ACBD5: variants seen among roughly 807,000 people sequenced by gnomAD.
The protein encoded by ACBD5 is acyl-CoA binding domain containing 5.
ACBD5 carries 40 observed loss-of-function variants against 71.8 expected under a neutral mutation model. The ratio of observed to expected loss-of-function variants is 0.56; its 90% CI spans 0.43 to 0.72. The LOEUF is 0.72. ACBD5 is among the 30% of genes least tolerant of loss of function. The probability of loss-of-function intolerance (pLI) is 0.00; values close to 1 mark genes in which losing one functional copy is unlikely to be tolerated. For missense variants in ACBD5, 559 were observed against 644.5 expected, an observed-to-expected ratio of 0.87 and a Z score of 1.44; for synonymous variants, 229 against 218.6, an observed-to-expected ratio of 1.05 and a Z score of -0.42.
chr10:27,234,660 G>A (rs2064389489), intron 3 of ACBD5, among the ~76,000 whole-genome samples: 1 of 152,230 alleles, frequency 6.6e-6, no homozygotes, highest in Non-Finnish European at 1.5e-5. Flanking sequence ...GGCTGGGCAT[G>A]GTGGCTCACG....
At position 27,231,947 on chromosome 10, in the gene ACBD5, G is replaced by A. The variant is rs1292129926; in HGVS notation, c.303-127C>T. On this transcript the variant is annotated intron_variant, in intron 3 of 12. Transcript: ENST00000396271. ...TTCTACTTAAAGCCATAACAGGATTGTCTTAAATGTGCTACCATGAAGAAA... is the reference window on the plus strand; with the variant it reads ...TTCTACTTAAAGCCATAACAGGATTATCTTAAATGTGCTACCATGAAGAAA... The A allele has an allele frequency of 3.5e-6, 3 of 857,574 alleles. No homozygotes were observed. The African/African-American group carries it at 5.1e-5, about 14-fold the overall frequency. The allele number at this position is 857,574 out of a possible 1,614,324, so 53.1% of individuals were successfully genotyped here. A position where few individuals can be genotyped will look rare whatever the true frequency, so the allele number is the denominator to read the frequency against.
At position 27,195,471 on chromosome 10, in the gene ACBD5, T is replaced by C. The variant is rs1364315900; in HGVS notation, c.*1959A>G. On this transcript the variant is annotated 3_prime_UTR_variant, in exon 13 of 13. Coordinates refer to ENST00000396271, the MANE Select transcript of ACBD5 (RefSeq NM_145698.5). Reference sequence around the variant, plus strand: ...GTTAGTTATCCCAGACTGCTTGTAATGATTCACAACTGCTTACACTCTTAA... The same window carrying C: ...GTTAGTTATCCCAGACTGCTTGTAACGATTCACAACTGCTTACACTCTTAA... 5 of 454,312 alleles carry C rather than the reference T, an allele frequency of 1.1e-5. No individual in the cohort carries two copies. Among genetic ancestry groups the C allele is most frequent in the South Asian group, 4.7e-5 (3 of 64,468 alleles). 28.1% of individuals were successfully genotyped at this position (454,312 alleles called of 1,614,324 possible).
At chr10:27,238,762 ATAAT>A (rs2065084894) in intron 2 of ACBD5, among the ~76,000 whole-genome samples, 3 of 150,540 alleles carry the variant, frequency 2.0e-5, no homozygotes. Context: ...TTTGTTACCT[ATAAT>A]TATTGAAATT....
intron 4 of ACBD5, among the ~76,000 whole-genome samples, chr10:27,229,851 A>C (rs1345396415): frequency 6.6e-6 from 1 of 152,202 alleles, no homozygotes; most frequent in Non-Finnish European, 1.5e-5. Flanking sequence ...GAAATTTTTA[A>C]AGTGTGAATG....
intron 10 of ACBD5, among the ~76,000 whole-genome samples, chr10:27,205,775 C>T (rs1233021868): frequency 1.3e-5 from 2 of 151,738 alleles, no homozygotes; most frequent in Non-Finnish European, 2.9e-5. Flanking sequence ...GGTGATCCAC[C>T]CACCTCAGCC....
chr10:27,215,742 C>T, intron 7 of ACBD5, 101 bp from the exon 8 acceptor site: 1 of 839,594 alleles, frequency 1.2e-6, no homozygotes, highest in Non-Finnish European at 1.9e-6. Context: ...CTCTGTTGCC[C>T]AGGCTGGAGT....
chr10:27,216,157 T>A (rs1213362268), intron 7 of ACBD5, among the ~76,000 whole-genome samples: 2 of 150,752 alleles, frequency 1.3e-5, no homozygotes, highest in Non-Finnish European at 3.0e-5. Flanking sequence ...TTTTTGGTTT[T>A]TGAGATGGAG....
intron 13 of ACBD5, among the ~76,000 whole-genome samples, chr10:27,183,529 T>C (rs796698794): frequency 1.3e-5 from 2 of 152,186 alleles, no homozygotes; most frequent in African/African-American, 4.8e-5. Flanking sequence ...GTGATCCTCC[T>C]GCCTCGGCCT....
At position 27,219,672 on chromosome 10, in the gene ACBD5, C is replaced by A. The variant is rs756830964; in HGVS notation, c.625+51G>T. The A allele has an allele frequency of 2.5e-6, 4 of 1,606,492 alleles. No homozygotes were observed. In the South Asian group the frequency reaches 4.4e-5, roughly 18 times the overall value. On this transcript the variant is annotated intron_variant, in intron 6 of 12. Coordinates refer to ENST00000396271, the MANE Select transcript of ACBD5 (RefSeq NM_145698.5). ...CCAAATCAGCCCAAATGTCTTCATA[C>A]CCTCTTAGTTTATTTATTGCAAAAT...
At chr10:27,234,102 T>C (rs1435053267) in intron 3 of ACBD5, among the ~76,000 whole-genome samples, 1 of 152,222 alleles carries the variant, frequency 6.6e-6, no homozygotes, top group African/African-American at 2.4e-5. Context: ...GTTCATAACG[T>C]ACAGTCTAAA....
At chr10:27,197,996 ACCC>A (rs1445805858) in intron 12 of ACBD5, among the ~76,000 whole-genome samples, 2 of 152,102 alleles carry the variant, frequency 1.3e-5, no homozygotes, top group African/African-American at 4.8e-5. Flanking sequence ...CTAGATTCTT[ACCC>A]TTTTCTAATT....
At chr10:27,212,953 A>C (rs1001022996) in intron 8 of ACBD5, among the ~76,000 whole-genome samples, 1 of 152,196 alleles carries the variant, frequency 6.6e-6, no homozygotes, top group African/African-American at 2.4e-5. Context: ...AAATGAGAAA[A>C]GGAGAAAAAC....
Position 27,210,891 on chromosome 10 carries a change from C to T in ACBD5, c.1127G>A (p.Arg376Lys), listed in dbSNP as rs758510252. Reference sequence around the variant, plus strand: ...CCGGTGTGGTGCTCCGCTGTTATTCCTGCCATCTTCTCCTCCATGCTTGAC... The same window carrying T: ...CCGGTGTGGTGCTCCGCTGTTATTCTTGCCATCTTCTCCTCCATGCTTGAC... ...GEVKHGGEDG[R>K]NNSGAPHREK... Residue 376 changes from arginine to lysine, a missense_variant, in exon 9 of 13, where the codon AGG (arginine) becomes AAG (lysine). By Grantham distance (26) the Arg-to-Lys change is conservative. Transcript: ENST00000396271. The T allele has an allele frequency of 6.2e-6, 10 of 1,614,078 alleles. No individual in the cohort carries two copies. The highest frequency in any genetic ancestry group is 6.8e-6 in the Non-Finnish European group (8 of 1,180,038).
In ACBD5 at chr10:27,186,422, T is replaced by C. The variant is rs886046961; in HGVS notation, c.1494-3707A>G. The stretch of plus-strand genomic sequence containing the variant: ...TCTTCAGTGATGTGGACTGGGAAAA[T>C]CTGCAGCATCAGACTATGCCTTTCA... On this transcript the variant is annotated intron_variant, in intron 13 of 13. Coordinates refer to the ACBD5 transcript ENST00000676511. 4.3e-5 allele frequency: 70 copies of C among 1,614,014 alleles called. No individual in the cohort carries two copies. The highest frequency in any genetic ancestry group is 5.5e-5 in the Non-Finnish European group (65 of 1,180,026).
At chr10:27,201,996 G>A (rs893448246) in intron 12 of ACBD5, among the ~76,000 whole-genome samples, 1 of 152,014 alleles carries the variant, frequency 6.6e-6, no homozygotes, top group African/African-American at 2.4e-5. Flanking sequence ...CTGTTTTGGG[G>A]ATGAGCTATA....
At chr10:27,204,651 G>A (rs2060278033) in intron 11 of ACBD5, 102 bp from the exon 12 acceptor site, 2 of 804,828 alleles carry the variant, frequency 2.5e-6, no homozygotes, top group East Asian at 2.7e-5. Flanking sequence ...AAGAAAATTA[G>A]TAACAAATCT....
intron 4 of ACBD5, among the ~76,000 whole-genome samples, chr10:27,229,638 A>G (rs1374187008): frequency 6.6e-6 from 1 of 152,208 alleles, no homozygotes; most frequent in East Asian, 1.9e-4. Context: ...TAAGTCCCAA[A>G]TTCAATAATC....
intron 3 of ACBD5, among the ~76,000 whole-genome samples, chr10:27,233,783 G>C (rs1348574173): frequency 1.3e-5 from 2 of 152,140 alleles, no homozygotes; most frequent in African/African-American, 4.8e-5. Flanking sequence ...GGTGGCTCAC[G>C]CCTATAATCC....
chr10:27,235,037 T>C, intron 3 of ACBD5, 55 bp downstream of exon 3: 4 of 1,547,442 alleles, frequency 2.6e-6, no homozygotes, highest in Non-Finnish European at 3.6e-6. Flanking sequence ...AATAGCCATA[T>C]GATAATTATG....
Sources: gnomAD v4.1 joint callset for allele counts (sites outside exome capture counted in the v4.1 genomes callset) on GRCh38, gnomAD v4.1.1 for gene constraint, MANE v1.5 for transcripts, NCBI Gene and HGNC (gene_info 2026-07-23, HGNC 2026-07-21) for gene names.